The following ARHGAP23 variants were observed in gnomAD, a reference collection of about 807,000 sequenced individuals.
ARHGAP23 encodes rho GTPase-activating protein 23.
A neutral mutation model predicts 136.3 loss-of-function variants in ARHGAP23; 34 were observed. That is an observed-to-expected ratio of 0.25 (90% CI 0.19 to 0.33). ARHGAP23 has a LOEUF of 0.33. ARHGAP23 is among the 10% of genes least tolerant of loss of function. ARHGAP23 has a pLI of 1.00. For missense variants in ARHGAP23, 1,808 were observed against 2,139.0 expected, an observed-to-expected ratio of 0.85 and a Z score of 3.05; for synonymous variants, 832 against 920.5, an observed-to-expected ratio of 0.90 and a Z score of 1.74.
At chr17:38,505,605 G>A (rs1322714733) in intron 23 of ARHGAP23, among the ~76,000 whole-genome samples, 1 of 152,174 alleles carries the variant, frequency 6.6e-6, no homozygotes. Flanking sequence ...TTGGAATGCA[G>A]GGATTCCCTA....
chr17:38,506,371 G>A (rs764095317), intron 23 of ARHGAP23, among the ~76,000 whole-genome samples: 6 of 152,172 alleles, frequency 3.9e-5, no homozygotes, highest in Non-Finnish European at 7.4e-5. Flanking sequence ...GACAGAACCC[G>A]TTAGGAGATG....
At chr17:38,498,594 G>C (rs2040445749) in intron 22 of ARHGAP23, 84 bp downstream of exon 22, 1 of 1,172,182 alleles carries the variant, frequency 8.5e-7, no homozygotes, top group Admixed American at 2.8e-5. Flanking sequence ...CAGATGCCCA[G>C]CTTCCCTGTG....
intron 1 of ARHGAP23, among the ~76,000 whole-genome samples, chr17:38,428,903 C>T (rs1417029995): frequency 6.6e-6 from 1 of 152,018 alleles, no homozygotes. Context: ...GGCGGGGCGC[C>T]TGCCGCCGTT....
chr17:38,459,785 C>T (rs769929951), intron 2 of ARHGAP23, among the ~76,000 whole-genome samples: 4 of 152,304 alleles, frequency 2.6e-5, no homozygotes, highest in Non-Finnish European at 4.4e-5. Context: ...GGAGCTCAGC[C>T]GTCCAAATGC....
chr17:38,427,118 AG>A (rs2038581694), upstream of ARHGAP23, among the ~76,000 whole-genome samples: 1 of 152,266 alleles, frequency 6.6e-6, no homozygotes, highest in South Asian at 2.1e-4. Flanking sequence ...AGTAAGAAGC[AG>A]GAAGAATGGG....
intron 1 of ARHGAP23, among the ~76,000 whole-genome samples, chr17:38,440,515 G>C (rs1256225176): frequency 3.9e-5 from 6 of 152,220 alleles, no homozygotes; most frequent in African/African-American, 1.4e-4. Context: ...TTACAGCTGA[G>C]GAGACTGAGG....
rs556222282 is a variant in ARHGAP23, at chr17:38,490,687, C to T, written c.3150+136C>T. The T allele has an allele frequency of 8.4e-5, 60 of 715,314 alleles. 1 individual carries two copies. The highest frequency in any genetic ancestry group is 7.7e-4 in the African/African-American group (44 of 57,266). The allele number at this position is 715,314 out of a possible 1,614,324, so 44.3% of individuals were successfully genotyped here. A position where few individuals can be genotyped will look rare whatever the true frequency, so the allele number is the denominator to read the frequency against. On this transcript the variant is annotated intron_variant, in intron 19 of 23. Transcript: ENST00000622683. ...GCACGCCCTCCTCCTATGACTGCTCCGTCCCCACCCCGCTCCTACATGCTG... is the reference window on the plus strand; with the variant it reads ...GCACGCCCTCCTCCTATGACTGCTCTGTCCCCACCCCGCTCCTACATGCTG...
chr17:38,503,527 C>T (rs1039343709), intron 23 of ARHGAP23, among the ~76,000 whole-genome samples: 3 of 152,210 alleles, frequency 2.0e-5, no homozygotes, highest in Non-Finnish European at 4.4e-5. Context: ...CCACACTCCC[C>T]GGAGAGCCCC....
In ARHGAP23 at chr17:38,510,571, G is replaced by T; in HGVS notation, c.4075G>T (p.Ala1359Ser). ...SSSQESLRPP[A>S]AALASRPSRM... ...CAGCCAGGAGTCGCTGCGGCCCCCG[G>T]CGGCGGCGCTGGCCTCCCGGCCCTC... Residue 1359 changes from alanine (A) to serine (S), a missense_variant, in exon 24 of 24, where the codon GCG (alanine) becomes TCG (serine). Physicochemically the swap from Ala to Ser is moderately conservative, Grantham distance 99. Around this residue, in one of 7 missense-constraint regions of ARHGAP23, gnomAD observed 506 missense variants for 455.8 expected, o/e 1.11. Transcript: ENST00000622683. This position sits in a 1 kb window ranked among gnomAD's most constrained non-coding sequence, Gnocchi z 4.6. 8.0e-7 allele frequency: 1 copy of T among 1,244,252 alleles called. No homozygotes were observed. The highest frequency in any genetic ancestry group is 1.0e-6 in the Non-Finnish European group (1 of 994,538). The allele number at this position is 1,244,252 out of a possible 1,614,324, so 77.1% of individuals were successfully genotyped here. A position where few individuals can be genotyped will look rare whatever the true frequency, so the allele number is the denominator to read the frequency against.
intron 20 of ARHGAP23, among the ~76,000 whole-genome samples, chr17:38,494,325 G>A (rs975694834): frequency 2.0e-5 from 3 of 152,226 alleles, no homozygotes; most frequent in African/African-American, 4.8e-5. Flanking sequence ...CAGGTCCTAA[G>A]TGTCGTGTGA....
At chr17:38,464,289 T>G (rs2039530282) in intron 6 of ARHGAP23, among the ~76,000 whole-genome samples, 1 of 147,134 alleles carries the variant, frequency 6.8e-6, no homozygotes, top group Non-Finnish European at 1.5e-5. Context: ...AGCATACCCT[T>G]CCACACACAC....
At position 38,511,138 on chromosome 17, in the gene ARHGAP23, G is replaced by A; in HGVS notation, c.*166G>A. ...TTGGTGTGCTGGAACTGGCAGGGCA[G>A]AGGAGAAGGCTGGGGCCGGACTAAT... On this transcript the variant is annotated 3_prime_UTR_variant, in exon 24 of 24. Transcript: ENST00000622683. 1 of 740,492 alleles carries A rather than the reference G, an allele frequency of 1.4e-6. No homozygotes were observed. The highest frequency in any genetic ancestry group is 2.0e-6 in the Non-Finnish European group (1 of 504,698). 45.9% of individuals were successfully genotyped at this position (740,492 alleles called of 1,614,324 possible).
At chr17:38,492,498 A>G (rs1249767435) in intron 20 of ARHGAP23, among the ~76,000 whole-genome samples, 1 of 152,188 alleles carries the variant, frequency 6.6e-6, no homozygotes, top group East Asian at 1.9e-4. Flanking sequence ...CACACAGCTA[A>G]TAAGTGGCAG....
chr17:38,491,668 G>A, intron 20 of ARHGAP23, 136 bp downstream of exon 20: 2 of 1,124,978 alleles, frequency 1.8e-6, no homozygotes, highest in Non-Finnish European at 1.3e-6. Context: ...CTGCTAGGGT[G>A]GTATATACTC....
intron 17 of ARHGAP23, chr17:38,489,868 G>C: frequency 1.9e-6 from 1 of 528,766 alleles, no homozygotes; most frequent in South Asian, 2.6e-5. Flanking sequence ...CCTCCCAAAT[G>C]AACACAGCTG....
chr17:38,482,184 A>T (rs1327032637), intron 15 of ARHGAP23, 41 bp downstream of exon 15: 5 of 1,538,614 alleles, frequency 3.2e-6, no homozygotes, highest in Non-Finnish European at 4.4e-6. Flanking sequence ...CAGCAGGGGG[A>T]GACCGAGGCA....
intron 21 of ARHGAP23, 46 bp from the exon 22 acceptor site, chr17:38,498,368 C>T (rs2040439936): frequency 1.4e-6 from 2 of 1,469,078 alleles, no homozygotes; most frequent in South Asian, 1.3e-5. Context: ...GGGTTGGCAG[C>T]CCAGCATCTG....
chr17:38,482,283 C>T, intron 15 of ARHGAP23, 140 bp downstream of exon 15: 2 of 1,413,342 alleles, frequency 1.4e-6, no homozygotes, highest in Non-Finnish European at 9.4e-7. Flanking sequence ...GAGGGGAAGG[C>T]CCCCGCCTGC....
intron 16 of ARHGAP23, among the ~76,000 whole-genome samples, chr17:38,483,599 G>C (rs777164061): frequency 7.2e-5 from 11 of 152,272 alleles, no homozygotes; most frequent in Non-Finnish European, 1.5e-4. Context: ...GTGAACGTGG[G>C]CAGTGATGTC....
Sources: allele counts gnomAD v4.1 joint callset (sites outside exome capture counted in the v4.1 genomes callset), GRCh38; gene constraint gnomAD v4.1.1; regional missense constraint gnomAD v4.1.1; non-coding constraint Gnocchi (gnomAD v3.1); transcripts MANE v1.5; gene names NCBI Gene and HGNC (gene_info 2026-07-23, HGNC 2026-07-21).